The following ERBB4 variants were observed in gnomAD, a reference collection of about 807,000 sequenced individuals.
ERBB4 encodes the protein erb-b2 receptor tyrosine kinase 4.
ERBB4 carries 42 observed loss-of-function variants against 158.0 expected under a neutral mutation model. That is an observed-to-expected ratio of 0.27 (90% CI 0.21 to 0.34). The LOEUF (loss-of-function observed/expected upper bound fraction) is 0.34, where lower values mean the gene tolerates loss of function less well. Ranked by LOEUF, ERBB4 falls within the 10% of genes least tolerant of loss-of-function variation. The pLI is 1.00. For synonymous variants in ERBB4, 583 were observed against 558.7 expected (o/e 1.04, Z -0.61); for missense variants, 1,333 against 1,624.1 (o/e 0.82, Z 3.08).
chr2:212,017,316 C>T (rs2125320717), intron 2 of ERBB4, among the ~76,000 whole-genome samples: 1 of 152,144 alleles, frequency 6.6e-6, no homozygotes, highest in South Asian at 2.1e-4. Flanking sequence ...TGAAACTTCT[C>T]ATTTTGTGCA....
chr2:211,435,502 A>G (rs572530925), intron 20 of ERBB4, among the ~76,000 whole-genome samples: 1 of 152,288 alleles, frequency 6.6e-6, no homozygotes, highest in South Asian at 2.1e-4. Flanking sequence ...TGGGCCATGG[A>G]GCAGCACTGG....
chr2:211,819,524 T>C (rs2076948409), intron 3 of ERBB4, among the ~76,000 whole-genome samples: 1 of 151,944 alleles, frequency 6.6e-6, no homozygotes, highest in Non-Finnish European at 1.5e-5. Context: ...TGTTAGAAAA[T>C]GCTTATAGAC....
At chr2:211,443,857 A>G (rs933823092) in intron 20 of ERBB4, among the ~76,000 whole-genome samples, 1 of 152,138 alleles carries the variant, frequency 6.6e-6, no homozygotes, top group Admixed American at 6.6e-5. Flanking sequence ...TTCTTAGAAC[A>G]GTTAAGAGTA....
chr2:212,263,770 G>A (rs1431366250), intron 1 of ERBB4, among the ~76,000 whole-genome samples: 1 of 151,806 alleles, frequency 6.6e-6, no homozygotes, highest in East Asian at 1.9e-4. Context: ...AGAAAAAACA[G>A]TAAAACTTGA....
In ERBB4 at chr2:211,424,209, G is replaced by C; in HGVS notation, c.2812C>G (p.Arg938Gly). 6.2e-7 allele frequency: 1 copy of C among 1,613,238 alleles called. No homozygotes were observed. Among genetic ancestry groups the C allele is most frequent in the Non-Finnish European group, 8.5e-7 (1 of 1,179,462 alleles). Reference sequence around the variant, plus strand: ...GTGCAGATGGGAGGCTGAGGCAAACGTTCTCCTTTCTCTAATAAATCAGGG... The same window carrying C: ...GTGCAGATGGGAGGCTGAGGCAAACCTTCTCCTTTCTCTAATAAATCAGGG... The part of the protein sequence containing the change: ...EIPDLLEKGE[R>G]LPQPPICTID... Residue 938 changes from arginine to glycine, a missense_variant, in exon 23 of 28, where the codon CGT (arginine) becomes GGT (glycine). Arg to Gly is a moderately radical substitution (Grantham distance 125, BLOSUM62 -2). Transcript: ENST00000342788.
intron 2 of ERBB4, among the ~76,000 whole-genome samples, chr2:212,054,959 C>G (rs1322287248): frequency 3.3e-5 from 5 of 152,132 alleles, no homozygotes; most frequent in Non-Finnish European, 7.3e-5. Flanking sequence ...GGGGGCAGGA[C>G]AGTGGGTGCA....
intron 19 of ERBB4, among the ~76,000 whole-genome samples, chr2:211,617,834 G>T (rs1204935649): frequency 2.0e-5 from 3 of 151,968 alleles, no homozygotes; most frequent in Admixed American, 1.3e-4. Flanking sequence ...TCATATGAAG[G>T]TCATTTGAAA....
rs189351388 is a variant in ERBB4 at position 212,323,630 on chromosome 2, G to C, written c.83-198727C>G. Among the ~76,000 whole-genome samples, 255 of 150,504 alleles carry C rather than the reference G, an allele frequency of 1.7e-3. 2 individuals are homozygous for C. Among genetic ancestry groups the C allele is most frequent in the African/African-American group, 5.9e-3 (245 of 41,328 alleles). The stretch of plus-strand genomic sequence containing the variant: ...GATTAATGGTGGTGGTAATAATGTA[G>C]ATACTGCCAGCATTCCAAAAATGTT... On this transcript the variant is annotated intron_variant, in intron 1 of 27. Transcript: ENST00000342788.
At chr2:211,733,549 A>G (rs189493931) in intron 5 of ERBB4, among the ~76,000 whole-genome samples, 1 of 148,122 alleles carries the variant, frequency 6.8e-6, no homozygotes, top group East Asian at 1.9e-4. Context: ...AGTAAAAAAA[A>G]GTCATAATTA....
chr2:211,550,729 T>C (rs1022570127), intron 20 of ERBB4, among the ~76,000 whole-genome samples: 191 of 134,140 alleles, frequency 1.4e-3, no homozygotes, highest in African/African-American at 5.1e-3. Flanking sequence ...TATATATATA[T>C]ATACACACAC....
rs530979983 is a variant in ERBB4 at position 211,878,195 on chromosome 2, G to A, written c.421+69235C>T. ...TCTAAACAAATTAAAATCTTCCATCGAAATTTATCTTATAATTTAAAACAG... is the reference window on the plus strand; with the variant it reads ...TCTAAACAAATTAAAATCTTCCATCAAAATTTATCTTATAATTTAAAACAG... On this transcript the variant is annotated intron_variant, in intron 3 of 27. Coordinates refer to ENST00000342788, the MANE Select transcript of ERBB4 (RefSeq NM_005235.3). Among the ~76,000 whole-genome samples, 474 of 152,202 alleles carry A rather than the reference G, an allele frequency of 3.1e-3. 2 individuals are homozygous for A. The highest frequency in any genetic ancestry group is 7.2e-3 in the Admixed American group (110 of 15,276).
chr2:211,584,627 T>C (rs2068207747), intron 19 of ERBB4, among the ~76,000 whole-genome samples: 1 of 151,992 alleles, frequency 6.6e-6, no homozygotes, highest in African/African-American at 2.4e-5. Flanking sequence ...TCCAGGACTT[T>C]GGCACATAAA....
intron 1 of ERBB4, among the ~76,000 whole-genome samples, chr2:212,190,333 C>G (rs538149239): frequency 1.3e-3 from 195 of 152,074 alleles, no homozygotes; most frequent in Admixed American, 1.7e-3. Flanking sequence ...TCAGGAGATC[C>G]AGACCATCCT....
At chr2:212,410,358 T>C (rs2091461905) in intron 1 of ERBB4, among the ~76,000 whole-genome samples, 1 of 151,982 alleles carries the variant, frequency 6.6e-6, no homozygotes, top group Admixed American at 6.6e-5. Flanking sequence ...AAATAAGTTG[T>C]TTTATTTTTG....
chr2:212,084,588 A>C (rs2078545961), intron 2 of ERBB4, among the ~76,000 whole-genome samples: 1 of 152,050 alleles, frequency 6.6e-6, no homozygotes, highest in Non-Finnish European at 1.5e-5. Flanking sequence ...GAAAGACATT[A>C]AAAGTTACAA....
chr2:211,497,409 C>T (rs6751044), intron 20 of ERBB4, among the ~76,000 whole-genome samples: 3,154 of 152,120 alleles, frequency 0.021, 114 homozygotes, highest in African/African-American at 0.07. Flanking sequence ...AGTCCCAGTG[C>T]CTCTGACAGT....
In ERBB4 at chr2:211,630,475, A is replaced by C. The variant is rs1234631208; in HGVS notation, c.2066T>G (p.Phe689Cys). 6.2e-7 allele frequency: 1 copy of C among 1,613,600 alleles called. No homozygotes were observed. The highest frequency in any genetic ancestry group is 8.5e-7 in the Non-Finnish European group (1 of 1,179,596). The change falls in exon 17 of 28, where the codon TTC becomes TGC. Residue 689 changes from phenylalanine (F) to cysteine (C), a missense_variant. Phe to Cys is a radical substitution (Grantham distance 205, BLOSUM62 -2). This residue lies in a region of ERBB4 where 314 missense variants were observed against 437.6 expected (regional missense o/e 0.72). Transcript: ENST00000342788. ...GAAATACCTCACCTCTGTTTCCAAGAATCTTCTCAAGGCTCTTTTCTTTTT... is the reference window on the plus strand; with the variant it reads ...GAAATACCTCACCTCTGTTTCCAAGCATCTTCTCAAGGCTCTTTTCTTTTT... The part of the protein sequence containing the change: ...SIKKKRALRR[F>C]LETELVEPLT...
At chr2:211,592,513 G>A (rs1439462450) in intron 19 of ERBB4, among the ~76,000 whole-genome samples, 1 of 152,154 alleles carries the variant, frequency 6.6e-6, no homozygotes, top group East Asian at 1.9e-4. Context: ...TGTCTGACAT[G>A]TCAGCATCCA....
intron 20 of ERBB4, among the ~76,000 whole-genome samples, chr2:211,552,179 T>C (rs2067115871): frequency 6.6e-6 from 1 of 151,802 alleles, no homozygotes; most frequent in Admixed American, 6.6e-5. Flanking sequence ...ATGACATGGA[T>C]ATTCAAGGTA....
Sources: allele counts gnomAD v4.1 joint callset (sites outside exome capture counted in the v4.1 genomes callset), GRCh38; gene constraint gnomAD v4.1.1; regional missense constraint gnomAD v4.1.1; transcripts MANE v1.5; gene names NCBI Gene and HGNC (gene_info 2026-07-23, HGNC 2026-07-21).